Variants in TMEM163 observed in about 807,000 individuals in gnomAD.
TMEM163 encodes transmembrane protein 163.
In TMEM163, 17 loss-of-function variants were observed where a neutral mutation model predicts 29.3. That is an observed-to-expected ratio of 0.58 (90% CI 0.40 to 0.87). The LOEUF is 0.87. Among genes scored for constraint, TMEM163 ranks in the 40% least tolerant of loss-of-function variants. The pLI is 0.00. For missense variants in TMEM163, 303 were observed against 381.5 expected (o/e 0.79, Z 1.71); for synonymous variants, 157 against 160.6 (o/e 0.98, Z 0.17).
In TMEM163 at chr2:134,489,798, G is replaced by A. The variant is rs149460321; in HGVS notation, c.555+13103C>T. 1.4e-4 allele frequency among the ~76,000 whole-genome samples: 22 copies of A among 152,240 alleles called. 2 individuals carry two copies. Among genetic ancestry groups the A allele is most frequent in the African/African-American group, 4.8e-4 (20 of 41,548 alleles). On this transcript the variant is annotated intron_variant, in intron 5 of 7. Transcript: ENST00000281924. The stretch of plus-strand genomic sequence containing the variant: ...AGGATATGAAGTTCAGACCATGAAC[G>A]AGGGCGAATAATCTGGGACAAGCCC...
In TMEM163 at chr2:134,463,803, A is replaced by G. The variant is rs545278077; in HGVS notation, c.667+2311T>C. 6.6e-5 allele frequency among the ~76,000 whole-genome samples: 10 copies of G among 152,330 alleles called. 1 individual carries two copies. Among genetic ancestry groups the G allele is most frequent in the Middle Eastern group, 3.4e-3 (1 of 294 alleles). On this transcript the variant is annotated intron_variant, in intron 6 of 7. Transcript: ENST00000281924. ...TTCCCCAGCCAGTGCGGCACCTAACAGAGTGTAAAACCCCGCTGATCCGGT... is the reference window on the plus strand; with the variant it reads ...TTCCCCAGCCAGTGCGGCACCTAACGGAGTGTAAAACCCCGCTGATCCGGT...
intron 2 of TMEM163, among the ~76,000 whole-genome samples, chr2:134,683,885 T>G (rs546629759): frequency 6.6e-6 from 1 of 152,176 alleles, no homozygotes; most frequent in Non-Finnish European, 1.5e-5. Context: ...ACAAACACTT[T>G]TAGCACTGGT....
At chr2:134,568,173 A>G (rs1681337975) in intron 2 of TMEM163, among the ~76,000 whole-genome samples, 2 of 152,246 alleles carry the variant, frequency 1.3e-5, no homozygotes, top group Non-Finnish European at 2.9e-5. Flanking sequence ...CCAGTAGGGC[A>G]TCACCAGCTT....
chr2:134,506,534 G>A (rs1679827283), intron 4 of TMEM163, among the ~76,000 whole-genome samples: 1 of 152,168 alleles, frequency 6.6e-6, no homozygotes, highest in South Asian at 2.1e-4. Flanking sequence ...GTTTAAAAAT[G>A]GAGGAGTCAA....
intron 2 of TMEM163, among the ~76,000 whole-genome samples, chr2:134,648,183 C>T (rs1183586752): frequency 6.6e-6 from 1 of 152,134 alleles, no homozygotes; most frequent in African/African-American, 2.4e-5. Context: ...ATAATCTTCC[C>T]CCAGAGTCTG....
intron 2 of TMEM163, among the ~76,000 whole-genome samples, chr2:134,655,685 A>G (rs1290311359): frequency 7.1e-6 from 1 of 140,028 alleles, no homozygotes; most frequent in Non-Finnish European, 1.5e-5. Context: ...GGTTTTATCT[A>G]CTTTTGGTCT....
Position 134,543,917 on chromosome 2 carries a change from A to T in TMEM163, c.458+6653T>A, listed in dbSNP as rs559402361. Among the ~76,000 whole-genome samples, 116 of 152,290 alleles carry T rather than the reference A, an allele frequency of 7.6e-4. 1 individual carries two copies. Among genetic ancestry groups the T allele is most frequent in the African/African-American group, 2.7e-3 (112 of 41,548 alleles). On this transcript the variant is annotated intron_variant, in intron 4 of 7. Transcript: ENST00000281924. ...GCTGAGCAGAACACCATTGGGAGGT[A>T]CATTGGAACAGGAGAACCACCTCTC...
chr2:134,558,603 G>A (rs1157036760), intron 2 of TMEM163, among the ~76,000 whole-genome samples: 1 of 152,132 alleles, frequency 6.6e-6, no homozygotes, highest in East Asian at 1.9e-4. Context: ...TTTGAGGGAG[G>A]GTTCTGGACA....
intron 5 of TMEM163, chr2:134,466,849 G>T (rs1386182932): frequency 6.6e-5 from 10 of 152,406 alleles, no homozygotes; most frequent in African/African-American, 2.4e-4. Flanking sequence ...GCAAACAAGT[G>T]AGTCCCATAT....
At chr2:134,668,895 T>A (rs935920146) in intron 2 of TMEM163, among the ~76,000 whole-genome samples, 2 of 152,118 alleles carry the variant, frequency 1.3e-5, no homozygotes, top group African/African-American at 2.4e-5. Context: ...ATTTCTCCAC[T>A]TCAGTTGCTG....
intron 2 of TMEM163, among the ~76,000 whole-genome samples, chr2:134,590,793 G>A (rs888276338): frequency 2.0e-5 from 3 of 152,156 alleles, no homozygotes; most frequent in African/African-American, 7.2e-5. Context: ...CATGGTGAGA[G>A]ACGAGAAAGG....
At chr2:134,694,881 G>A (rs140361686) in intron 2 of TMEM163, among the ~76,000 whole-genome samples, 15 of 152,104 alleles carry the variant, frequency 9.9e-5, no homozygotes, top group Non-Finnish European at 1.9e-4. Flanking sequence ...GAAATCTCCC[G>A]GGATAAATAA....
chr2:134,613,610 T>C (rs1682549999), intron 2 of TMEM163, among the ~76,000 whole-genome samples: 1 of 152,112 alleles, frequency 6.6e-6, no homozygotes, highest in Non-Finnish European at 1.5e-5. Context: ...ATATTCAAGG[T>C]GCTGACAGAA....
At chr2:134,549,422 A>G (rs1408130253) in intron 4 of TMEM163, among the ~76,000 whole-genome samples, 1 of 152,190 alleles carries the variant, frequency 6.6e-6, no homozygotes, top group Non-Finnish European at 1.5e-5. Context: ...ATCTCGGCTC[A>G]CTACAGCCTC....
rs1405932327 is a variant in TMEM163, at chr2:134,655,187, A to G, written c.322+58013T>C. 3.6e-5 allele frequency among the ~76,000 whole-genome samples: 5 copies of G among 140,752 alleles called. 1 individual carries two copies. Among genetic ancestry groups the G allele is most frequent in the African/African-American group, 5.9e-5 (2 of 33,900 alleles). The allele number at this position is 140,752 out of a possible 152,430, so 92.3% of individuals were successfully genotyped here. A position where few individuals can be genotyped will look rare whatever the true frequency, so the allele number is the denominator to read the frequency against. On this transcript the variant is annotated intron_variant, in intron 2 of 7. Coordinates refer to ENST00000281924, the MANE Select transcript of TMEM163 (RefSeq NM_030923.5). Reference sequence around the variant, plus strand: ...CTCACCATCACTTTCAGGTACACCAATCAGACGTAGATTTGGTCTTTTCAC... The same window carrying G: ...CTCACCATCACTTTCAGGTACACCAGTCAGACGTAGATTTGGTCTTTTCAC...
At chr2:134,532,395 G>A (rs1389721434) in intron 4 of TMEM163, among the ~76,000 whole-genome samples, 1 of 152,088 alleles carries the variant, frequency 6.6e-6, no homozygotes, top group East Asian at 1.9e-4. Context: ...TTAGGGATTG[G>A]GTATAACAAC....
chr2:134,538,860 G>C (rs556888768), intron 4 of TMEM163, among the ~76,000 whole-genome samples: 1 of 152,166 alleles, frequency 6.6e-6, no homozygotes, highest in African/African-American at 2.4e-5. Context: ...GGTGGTGAAG[G>C]CTACAGGGAT....
chr2:134,699,937 T>C (rs569885451), intron 2 of TMEM163, among the ~76,000 whole-genome samples: 2 of 152,354 alleles, frequency 1.3e-5, no homozygotes, highest in African/African-American at 4.8e-5. Context: ...CAACTTTATC[T>C]TGTTATTATT....
intron 5 of TMEM163, among the ~76,000 whole-genome samples, chr2:134,481,716 T>A (rs1295733291): frequency 6.6e-6 from 1 of 152,172 alleles, no homozygotes; most frequent in East Asian, 1.9e-4. Context: ...GGGAAGCTGA[T>A]GGGGTCTAAT....
Sources: gnomAD v4.1 joint callset for allele counts (sites outside exome capture counted in the v4.1 genomes callset) on GRCh38, gnomAD v4.1.1 for gene constraint, MANE v1.5 for transcripts, NCBI Gene and HGNC (gene_info 2026-07-23, HGNC 2026-07-21) for gene names.